ADAM32: variants seen among roughly 807,000 people sequenced by gnomAD.
ADAM32 encodes the protein disintegrin and metalloproteinase domain-containing protein 32.
A neutral mutation model predicts 114.9 loss-of-function variants in ADAM32; 89 were observed. The observed-to-expected ratio is 0.77, with a 90% CI of 0.65 to 0.92. The LOEUF (loss-of-function observed/expected upper bound fraction) is 0.92, where lower values mean the gene tolerates loss of function less well. Ranked by LOEUF, ADAM32 falls within the 40% of genes least tolerant of loss-of-function variation. ADAM32 has a pLI of 0.00. For synonymous variants in ADAM32, 285 were observed against 307.5 expected (o/e 0.93, Z 0.77); for missense variants, 870 against 932.8 (o/e 0.93, Z 0.88).
chr8:39,194,911 C>T (rs1025823912), intron 11 of ADAM32, among the ~76,000 whole-genome samples: 1 of 152,220 alleles, frequency 6.6e-6, no homozygotes, highest in African/African-American at 2.4e-5. Flanking sequence ...AGTTCTGCCT[C>T]TGCCACTTCT....
intron 19 of ADAM32, among the ~76,000 whole-genome samples, chr8:39,261,959 G>T (rs1192192231): frequency 6.6e-6 from 1 of 152,026 alleles, no homozygotes; most frequent in Non-Finnish European, 1.5e-5. Context: ...TAATCCAGCA[G>T]TTTTCAAATA....
At chr8:39,128,697 C>T (rs1436256553) in intron 2 of ADAM32, among the ~76,000 whole-genome samples, 1 of 151,992 alleles carries the variant, frequency 6.6e-6, no homozygotes, top group African/African-American at 2.4e-5. Context: ...GGCATTATTC[C>T]AAGATAGGCC....
intron 19 of ADAM32, among the ~76,000 whole-genome samples, chr8:39,262,926 T>C (rs1049138688): frequency 6.6e-6 from 1 of 152,108 alleles, no homozygotes; most frequent in Non-Finnish European, 1.5e-5. Flanking sequence ...CAGGCTGGTC[T>C]CAAACTCCTG....
At chr8:39,124,149 G>A (rs374149982) in intron 2 of ADAM32, among the ~76,000 whole-genome samples, 11 of 151,934 alleles carry the variant, frequency 7.2e-5, no homozygotes, top group Non-Finnish European at 1.5e-4. Flanking sequence ...CTCAGCATCC[G>A]TTAGCTATAC....
intron 2 of ADAM32, among the ~76,000 whole-genome samples, chr8:39,133,194 A>G (rs1050499433): frequency 5.9e-5 from 9 of 152,000 alleles, no homozygotes; most frequent in Non-Finnish European, 1.0e-4. Context: ...CCTTATGGTA[A>G]TTAGTGAATT....
intron 4 of ADAM32, among the ~76,000 whole-genome samples, chr8:39,148,839 A>T (rs1442251726): frequency 2.0e-5 from 3 of 152,150 alleles, no homozygotes; most frequent in African/African-American, 7.2e-5. Flanking sequence ...ACCATTGAAT[A>T]TTGGAAATTA....
intron 10 of ADAM32, among the ~76,000 whole-genome samples, chr8:39,181,487 C>T (rs1372541801): frequency 3.3e-5 from 5 of 152,208 alleles, no homozygotes; most frequent in Admixed American, 2.0e-4. Flanking sequence ...GGCTCCGCGG[C>T]TTCATTCTTG....
At chr8:39,176,845 A>T (rs1230649190) in intron 10 of ADAM32, among the ~76,000 whole-genome samples, 1 of 152,080 alleles carries the variant, frequency 6.6e-6, no homozygotes, top group Admixed American at 6.5e-5. Flanking sequence ...GTCTCTAAGA[A>T]CCTGCTTTAT....
chr8:39,283,735 G>T, intron 24 of ADAM32, 111 bp downstream of exon 24: 35 of 573,044 alleles, frequency 6.1e-5, no homozygotes, highest in Non-Finnish European at 7.4e-5. Flanking sequence ...AATTGGTAAA[G>T]TACTGCACCA....
intron 6 of ADAM32, among the ~76,000 whole-genome samples, chr8:39,155,720 GT>G (rs1395631925): frequency 6.6e-6 from 1 of 151,984 alleles, no homozygotes; most frequent in Non-Finnish European, 1.5e-5. Context: ...TTTGCTAATC[GT>G]TTTCTATATG....
In ADAM32 at chr8:39,246,087, G is replaced by A. The variant is rs757370149; in HGVS notation, c.1823G>A (p.Cys608Tyr). Residue 608 changes from cysteine (C) to tyrosine (Y), a missense_variant, in exon 17 of 25, where the codon TGT becomes TAT. Cys to Tyr is a radical substitution (Grantham distance 194). Transcript: ENST00000379907. ...TTTGTATGTGTTTTTCTTTAGGTTT[G>A]TGTAAATCGTGAATGTGTAGAATCA... ...NGSQCDIGRV[C>Y]VNRECVESRI... is the part of the protein sequence containing the mutation. 6.2e-7 allele frequency: 1 copy of A among 1,613,134 alleles called. No individual in the cohort carries two copies. Among genetic ancestry groups the A allele is most frequent in the African/African-American group, 1.3e-5 (1 of 74,880 alleles).
chr8:39,178,298 G>T (rs1243311328), intron 10 of ADAM32, among the ~76,000 whole-genome samples: 2 of 151,926 alleles, frequency 1.3e-5, no homozygotes, highest in South Asian at 2.1e-4. Context: ...CCTCCTCTTG[G>T]TCTGTTCTGC....
At chr8:39,180,917 C>T (rs1323339767) in intron 10 of ADAM32, among the ~76,000 whole-genome samples, 1 of 152,240 alleles carries the variant, frequency 6.6e-6, no homozygotes, top group African/African-American at 2.4e-5. Flanking sequence ...TCTAGCTGCT[C>T]TGGTGGGGCC....
chr8:39,258,860 G>A (rs1486697699), intron 19 of ADAM32, among the ~76,000 whole-genome samples: 1 of 152,014 alleles, frequency 6.6e-6, no homozygotes, highest in African/African-American at 2.4e-5. Flanking sequence ...AATGCATAAT[G>A]TTTATTTTAG....
intron 17 of ADAM32, among the ~76,000 whole-genome samples, chr8:39,253,170 G>T (rs1168842857): frequency 6.6e-6 from 1 of 151,560 alleles, no homozygotes; most frequent in Non-Finnish European, 1.5e-5. Flanking sequence ...AATGAGATAT[G>T]CCACATTAAG....
intron 21 of ADAM32, among the ~76,000 whole-genome samples, chr8:39,274,570 T>C (rs1812957104): frequency 6.6e-6 from 1 of 152,148 alleles, no homozygotes; most frequent in African/African-American, 2.4e-5. Context: ...AAACAAGGAA[T>C]AAAATAGCTG....
chr8:39,233,827 A>G (rs962005077), intron 15 of ADAM32, 72 bp from the exon 16 acceptor site: 16 of 1,069,326 alleles, frequency 1.5e-5, no homozygotes, highest in East Asian at 1.3e-4. Context: ...TTTGCATCAC[A>G]GAAAGCAAAT....
At chr8:39,223,913 A>G (rs1809166172) in intron 14 of ADAM32, 1 of 152,116 alleles carries the variant, frequency 6.6e-6, no homozygotes, top group African/African-American at 2.4e-5. Flanking sequence ...CTCTGTATCT[A>G]GCTTATTTCA....
intron 2 of ADAM32, among the ~76,000 whole-genome samples, chr8:39,118,843 C>T (rs1840482257): frequency 6.6e-6 from 1 of 152,104 alleles, no homozygotes; most frequent in South Asian, 2.1e-4. Flanking sequence ...TAGAATTGTG[C>T]AAACATTACC....
Sources: allele counts gnomAD v4.1 joint callset (sites outside exome capture counted in the v4.1 genomes callset), GRCh38; gene constraint gnomAD v4.1.1; transcripts MANE v1.5; gene names NCBI Gene and HGNC (gene_info 2026-07-23, HGNC 2026-07-21).